Variants in ZKSCAN7 observed in about 807,000 individuals in gnomAD.
The protein encoded by ZKSCAN7 is zinc finger protein with KRAB and SCAN domains 7.
Under a neutral mutation model 65.3 loss-of-function variants are expected in ZKSCAN7, and 38 were observed. The ratio of observed to expected loss-of-function variants is 0.58; its 90% CI spans 0.45 to 0.76. The LOEUF (loss-of-function observed/expected upper bound fraction) is 0.76, where lower values mean the gene tolerates loss of function less well. Among genes scored for constraint, ZKSCAN7 ranks in the 30% least tolerant of loss-of-function variants. The pLI, the probability that ZKSCAN7 is intolerant of heterozygous loss-of-function variation, is 0.00. For synonymous variants in ZKSCAN7, 321 were observed against 321.0 expected (o/e 1.00, Z 0.00); for missense variants, 815 against 913.3 (o/e 0.89, Z 1.39).
chr3:44,556,694 G>T (rs559809020), intron 1 of ZKSCAN7, among the ~76,000 whole-genome samples: 3 of 152,106 alleles, frequency 2.0e-5, no homozygotes, highest in Non-Finnish European at 4.4e-5. Context: ...GGTTGTGAAG[G>T]GGGTAAGGCC....
Position 44,571,543 on chromosome 3 carries a change from A to C in ZKSCAN7, c.*168A>C. The C allele has an allele frequency of 1.3e-6, 2 of 1,507,890 alleles. No individual in the cohort carries two copies. Among genetic ancestry groups the C allele is most frequent in the Non-Finnish European group, 1.8e-6 (2 of 1,132,770 alleles). 93.4% of individuals were successfully genotyped at this position (1,507,890 alleles called of 1,614,324 possible). A position where few individuals can be genotyped will look rare whatever the true frequency, so the allele number is the denominator to read the frequency against. On this transcript the variant is annotated 3_prime_UTR_variant, in exon 6 of 6. Transcript: ENST00000426540. ...GTAGGAGTAACTTATTCCAGTTCTT[A>C]CCCATTATTAGGAAGGTAAGGACTA...
intron 5 of ZKSCAN7, among the ~76,000 whole-genome samples, chr3:44,578,516 G>A (rs7627777): frequency 0.12 from 17,635 of 152,228 alleles, 1,054 homozygotes; most frequent in Middle Eastern, 0.19. Flanking sequence ...GGCCTCCAGC[G>A]CCTGGGCCAG....
Position 44,571,358 on chromosome 3 carries a change from G to T in ZKSCAN7, c.2248G>T (p.Ala750Ser), listed in dbSNP as rs775041678. ...THTGEKSSGLAWSVS is the reference protein window; with the variant it reads ...THTGEKSSGLSWSVS ...CACTGGAGAGAAGTCCTCAGGTCTG[G>T]CTTGGTCAGTTTCTTAAGGTATGGT... Residue 750 changes from alanine to serine, a missense_variant, in exon 6 of 6, where the codon GCT becomes TCT. This residue lies in a region of ZKSCAN7 where 578 missense variants were observed against 629.5 expected (regional missense o/e 0.92). Coordinates refer to ENST00000426540, the MANE Select transcript of ZKSCAN7 (RefSeq NM_001288590.2). 1 of 1,614,052 alleles carries T rather than the reference G, an allele frequency of 6.2e-7. No homozygotes were observed. The highest frequency in any genetic ancestry group is 8.5e-7 in the Non-Finnish European group (1 of 1,180,032).
intron 5 of ZKSCAN7, among the ~76,000 whole-genome samples, chr3:44,581,345 G>A (rs1218110062): frequency 1.3e-5 from 2 of 151,416 alleles, no homozygotes; most frequent in Admixed American, 6.6e-5. Context: ...CGTCCGCGCC[G>A]CCACAGCTGC....
At chr3:44,580,617 A>G in intron 5 of ZKSCAN7, 2 of 1,613,720 alleles carry the variant, frequency 1.2e-6, no homozygotes, top group Non-Finnish European at 8.5e-7. Flanking sequence ...CCCACTGACG[A>G]TCTCCTTGGT....
chr3:44,570,093 A>G lies in ZKSCAN7; in HGVS notation c.983A>G (p.Asp328Gly), dbSNP rs769975607. The change falls in exon 6 of 6, where the codon GAT (aspartate) becomes GGT (glycine). Residue 328 changes from aspartate to glycine, a missense_variant. Asp to Gly is a moderately conservative substitution (Grantham distance 94, BLOSUM62 -1). Around this residue, in one of 3 missense-constraint regions of ZKSCAN7, gnomAD observed 578 missense variants for 629.5 expected, o/e 0.92. Coordinates refer to ENST00000426540, the MANE Select transcript of ZKSCAN7 (RefSeq NM_001288590.2). ...AAGGAGTTAGAAGGACAAACCTCAG[A>G]TGAAGAAGGGAGCAGACTAGAAAAT... ...TFKELEGQTS[D>G]EEGSRLENDF... 3.1e-6 allele frequency: 5 copies of G among 1,613,906 alleles called. No individual in the cohort carries two copies. Among genetic ancestry groups the G allele is most frequent in the Non-Finnish European group, 4.2e-6 (5 of 1,179,972 alleles).
chr3:44,581,255 T>A (rs903952275), intron 5 of ZKSCAN7, among the ~76,000 whole-genome samples: 2 of 148,432 alleles, frequency 1.3e-5, no homozygotes, highest in Non-Finnish European at 3.0e-5. Flanking sequence ...CCAGCCGCCG[T>A]GGGCCCAAGG....
chr3:44,567,187 AAAG>A (rs1409978497), intron 3 of ZKSCAN7, among the ~76,000 whole-genome samples: 11 of 141,828 alleles, frequency 7.8e-5, no homozygotes, highest in Admixed American at 4.2e-4. Context: ...AAAAGAGAGA[AAAG>A]AAAGAGAGGG....
chr3:44,569,195 A>G (rs1699721037), intron 5 of ZKSCAN7, among the ~76,000 whole-genome samples: 1 of 152,210 alleles, frequency 6.6e-6, no homozygotes, highest in African/African-American at 2.4e-5. Flanking sequence ...CCTTCAGTCT[A>G]GTACCTGGTG....
At chr3:44,582,944 G>GTGTA (rs1700119888) in intron 5 of ZKSCAN7, 1 of 407,116 alleles carries the variant, frequency 2.5e-6, no homozygotes, top group Non-Finnish European at 4.8e-6. Flanking sequence ...GTGTGTGTGT[G>GTGTA]TGACTGAGTT....
rs1050270589 is a variant in ZKSCAN7, at chr3:44,556,926, G to C, written c.-118-4G>C. 15 of 1,290,322 alleles carry C rather than the reference G, an allele frequency of 1.2e-5. No individual in the cohort carries two copies. The Admixed American group carries it at 1.7e-4, about 14-fold the overall frequency. 79.9% of individuals were successfully genotyped at this position (1,290,322 alleles called of 1,614,324 possible). A position where few individuals can be genotyped will look rare whatever the true frequency, so the allele number is the denominator to read the frequency against. ...GAACTCTGATTTCACTCTTGTTTCT[G>C]TAGGCCACACTACCATCACCCCTTT... On this transcript the variant is annotated splice_polypyrimidine_tract_variant and splice_region_variant and intron_variant, in intron 1 of 5. Transcript: ENST00000426540.
rs1699805853 is a variant in ZKSCAN7, at chr3:44,571,383, T to G, written c.*8T>G. The stretch of plus-strand genomic sequence containing the variant: ...GCTTGGTCAGTTTCTTAAGGTATGG[T>G]TCTCTGAGACAGAGAGCAACGACCT... On this transcript the variant is annotated 3_prime_UTR_variant, in exon 6 of 6. Transcript: ENST00000426540. 6.2e-7 allele frequency: 1 copy of G among 1,613,614 alleles called. No individual in the cohort carries two copies. The highest frequency in any genetic ancestry group is 8.5e-7 in the Non-Finnish European group (1 of 1,180,034).
At chr3:44,566,413 G>T (rs968764154) in intron 3 of ZKSCAN7, among the ~76,000 whole-genome samples, 1 of 152,178 alleles carries the variant, frequency 6.6e-6, no homozygotes, top group Non-Finnish European at 1.5e-5. Flanking sequence ...CTTAGTTAAA[G>T]GCTGGTGCGG....
Position 44,570,230 on chromosome 3 carries a change from G to T in ZKSCAN7, c.1120G>T (p.Glu374Ter), listed in dbSNP as rs1219533333. 1.2e-6 allele frequency: 2 copies of T among 1,614,118 alleles called. No homozygotes were observed. Among genetic ancestry groups the T allele is most frequent in the Admixed American group, 1.7e-5 (1 of 60,004 alleles). Residue 374 changes from glutamate to a stop codon, truncating the protein, a stop_gained, in exon 6 of 6, where the codon GAA becomes TAA. Coordinates refer to ENST00000426540, the MANE Select transcript of ZKSCAN7 (RefSeq NM_001288590.2). LOFTEE classifies it high-confidence loss of function. ...TCTGTCTTCCAGTCCTGTTGAACAT[G>T]AAGGAGTTTTAAAGGGACAGAAATC... ...PPLSSSPVEH[E>*]GVLKGQKSYR... is the part of the protein sequence containing the mutation.
intron 2 of ZKSCAN7, among the ~76,000 whole-genome samples, chr3:44,563,454 C>T (rs1222456756): frequency 3.3e-5 from 5 of 152,170 alleles, no homozygotes; most frequent in African/African-American, 4.8e-5. Context: ...CACAGTTCTG[C>T]AGGCTTAACA....
At chr3:44,581,032 G>T in intron 5 of ZKSCAN7, 1 of 1,557,768 alleles carries the variant, frequency 6.4e-7, no homozygotes, top group South Asian at 1.2e-5. Flanking sequence ...GACATGGTCG[G>T]CGCGGCGGCG....
chr3:44,575,532 AG>A (rs1195273265), downstream of ZKSCAN7, among the ~76,000 whole-genome samples: 7 of 152,234 alleles, frequency 4.6e-5, no homozygotes, highest in African/African-American at 1.7e-4. Flanking sequence ...AAAATCTAAA[AG>A]TTCCCAAATA....
intron 3 of ZKSCAN7, among the ~76,000 whole-genome samples, chr3:44,566,053 G>A (rs1430912689): frequency 6.6e-6 from 1 of 152,208 alleles, no homozygotes; most frequent in Non-Finnish European, 1.5e-5. Context: ...TGGAAAAAGT[G>A]ATCACTGGGT....
At chr3:44,569,858 A>G (rs1699742091) in intron 5 of ZKSCAN7, 64 bp from the exon 6 acceptor site, 1 of 1,476,548 alleles carries the variant, frequency 6.8e-7, no homozygotes, top group Non-Finnish European at 9.0e-7. Flanking sequence ...TTAGCTCTTA[A>G]TGATTCTCTT....
Sources: allele counts gnomAD v4.1 joint callset (sites outside exome capture counted in the v4.1 genomes callset), GRCh38; gene constraint gnomAD v4.1.1; regional missense constraint gnomAD v4.1.1; transcripts MANE v1.5; gene names NCBI Gene and HGNC (gene_info 2026-07-23, HGNC 2026-07-21).